The following ZNF226 variants were observed in gnomAD, a reference collection of about 807,000 sequenced individuals.
ZNF226 encodes zinc finger protein 226.
Under a neutral mutation model 11.4 loss-of-function variants are expected in ZNF226, and 6 were observed. That is an observed-to-expected ratio of 0.53 (90% CI 0.29 to 1.04). ZNF226 has a LOEUF of 1.04. ZNF226 is among the 50% of genes least tolerant of loss of function. The pLI, the probability that ZNF226 is intolerant of heterozygous loss-of-function variation, is 0.08. For missense variants in ZNF226, 1,058 were observed against 956.5 expected, an observed-to-expected ratio of 1.11 and a Z score of -1.40; for synonymous variants, 350 against 322.8, an observed-to-expected ratio of 1.08 and a Z score of -0.90.
At chr19:44,178,287 A>G (rs758227641), downstream of ZNF226, 6 of 152,422 alleles carry the variant, frequency 3.9e-5, no homozygotes, top group Non-Finnish European at 8.8e-5. Context: ...AGATTCAATT[A>G]TCTTTTGTAA....
At chr19:44,180,512 C>A (rs891528832), downstream of ZNF226, among the ~76,000 whole-genome samples, 10 of 152,040 alleles carry the variant, frequency 6.6e-5, no homozygotes, top group African/African-American at 2.4e-4. Flanking sequence ...TCAGGATAGC[C>A]CACCAACTCT....
chr19:44,186,143 T>C, the ZNF226 span, among the ~76,000 whole-genome samples: 1 of 152,096 alleles, frequency 6.6e-6, no homozygotes, highest in African/African-American at 2.4e-5. Flanking sequence ...TCATGTTAAT[T>C]ACTGCTGCTT....
At chr19:44,170,512 G>A (rs995921944) in intron 3 of ZNF226, among the ~76,000 whole-genome samples, 4 of 152,070 alleles carry the variant, frequency 2.6e-5, no homozygotes, top group Non-Finnish European at 5.9e-5. Flanking sequence ...TGAGGCGGGT[G>A]GATCACAAGG....
chr19:44,165,377 A>T (rs764867136), intron 1 of ZNF226: 1 of 152,030 alleles, frequency 6.6e-6, no homozygotes, highest in Non-Finnish European at 1.5e-5. Flanking sequence ...TCGCTCCCTC[A>T]TTGTGACTCC....
chr19:44,189,293 C>T, the ZNF226 span, among the ~76,000 whole-genome samples: 3 of 152,166 alleles, frequency 2.0e-5, no homozygotes, highest in African/African-American at 4.8e-5. Context: ...GGTTTCGAGC[C>T]ATGAACCTGG....
At chr19:44,186,313 T>G in the ZNF226 span, among the ~76,000 whole-genome samples, 1 of 152,104 alleles carries the variant, frequency 6.6e-6, no homozygotes, top group Admixed American at 6.5e-5. Flanking sequence ...TTTAACATTA[T>G]TAAGTCTTCA....
chr19:44,177,310 G>A lies in ZNF226; in HGVS notation c.2048G>A (p.Ser683Asn). The part of the protein sequence containing the change: ...CDECGKGFKW[S>N]LNLDMHQRVH... ...GAGTGTGGGAAGGGCTTCAAGTGGA[G>A]CTTGAACCTTGACATGCATCAGAGG... The change falls in exon 6 of 6, where the codon AGC becomes AAC. Residue 683 changes from serine (S) to asparagine (N), a missense_variant. Physicochemically the swap from Ser to Asn is conservative, Grantham distance 46. Transcript: ENST00000337433. 1 of 1,614,124 alleles carries A rather than the reference G, an allele frequency of 6.2e-7. No homozygotes were observed. Among genetic ancestry groups the A allele is most frequent in the South Asian group, 1.1e-5 (1 of 91,078 alleles).
intron 5 of ZNF226, chr19:44,174,842 C>A: frequency 1.3e-6 from 1 of 755,278 alleles, no homozygotes; most frequent in Non-Finnish European, 2.1e-6. Context: ...GTGCATAGGT[C>A]TTCATGCTTT....
Position 44,176,109 on chromosome 19 carries a change from G to C in ZNF226, c.847G>C (p.Val283Leu). The C allele has an allele frequency of 6.2e-7, 1 of 1,614,164 alleles. No individual in the cohort carries two copies. The highest frequency in any genetic ancestry group is 1.1e-5 in the South Asian group (1 of 91,084). ...LQSGEKSLTC[V>L]ERGKGFCYSP... is the part of the protein sequence containing the mutation. ...ATCAGGAGAGAAGTCTCTTACATGTGTTGAGCGTGGAAAAGGCTTCTGTTA... is the reference window on the plus strand; with the variant it reads ...ATCAGGAGAGAAGTCTCTTACATGTCTTGAGCGTGGAAAAGGCTTCTGTTA... Residue 283 changes from valine (V) to leucine (L), a missense_variant, in exon 6 of 6, where the codon GTT becomes CTT. By Grantham distance (32) the Val-to-Leu change is conservative. Transcript: ENST00000337433.
chr19:44,195,916 T>C, the ZNF226 span, among the ~76,000 whole-genome samples: 1 of 152,242 alleles, frequency 6.6e-6, no homozygotes, highest in Non-Finnish European at 1.5e-5. Context: ...CTGCATAATG[T>C]TCTAGCATCA....
intron 2 of ZNF226, among the ~76,000 whole-genome samples, chr19:44,167,304 ATTTC>A (rs1969502245): frequency 7.6e-6 from 1 of 132,064 alleles, no homozygotes; most frequent in Admixed American, 8.1e-5. Flanking sequence ...GACTTTCCTA[ATTTC>A]TTTAACTTTT....
At chr19:44,171,944 G>A in intron 3 of ZNF226, 144 bp from the exon 4 acceptor site, 2 of 1,057,848 alleles carry the variant, frequency 1.9e-6, no homozygotes, top group Non-Finnish European at 2.8e-6. Context: ...TGGTAAGTCA[G>A]TGTATGGCAT....
downstream of ZNF226, among the ~76,000 whole-genome samples, chr19:44,178,644 A>G (rs1178514709): frequency 1.3e-5 from 2 of 152,198 alleles, no homozygotes; most frequent in Non-Finnish European, 2.9e-5. Flanking sequence ...TAGTGGTGGC[A>G]GTGAAAAAAA....
At chr19:44,197,658 C>T in the ZNF226 span, among the ~76,000 whole-genome samples, 1 of 152,106 alleles carries the variant, frequency 6.6e-6, no homozygotes, top group African/African-American at 2.4e-5. Flanking sequence ...AAGCCTTGTA[C>T]ATTTGTATAT....
intron 2 of ZNF226, among the ~76,000 whole-genome samples, chr19:44,167,182 T>C (rs1010470129): frequency 6.6e-6 from 1 of 152,200 alleles, no homozygotes; most frequent in Non-Finnish European, 1.5e-5. Flanking sequence ...TCTTTTGTAC[T>C]GGAGGCCTTC....
the ZNF226 span, among the ~76,000 whole-genome samples, chr19:44,194,329 T>C: frequency 6.6e-6 from 1 of 152,144 alleles, no homozygotes; most frequent in African/African-American, 2.4e-5. Flanking sequence ...CAGGCTGGAG[T>C]GCAGTGGTAC....
chr19:44,168,248 T>C (rs202200738), intron 2 of ZNF226, among the ~76,000 whole-genome samples: 1 of 23,440 alleles, frequency 4.3e-5, no homozygotes, highest in Non-Finnish European at 7.3e-5. Flanking sequence ...TTTTGTTTTG[T>C]TTTTTTTTTT....
At chr19:44,184,643 G>A in the ZNF226 span, among the ~76,000 whole-genome samples, 2 of 151,786 alleles carry the variant, frequency 1.3e-5, no homozygotes, top group East Asian at 1.9e-4. Flanking sequence ...CTGTTCCAAA[G>A]TGAAGAGCAA....
At chr19:44,175,462 A>G (rs1568569868) in intron 5 of ZNF226, 36 bp from the exon 6 acceptor site, 3 of 1,531,554 alleles carry the variant, frequency 2.0e-6, no homozygotes, top group East Asian at 2.3e-5. Flanking sequence ...TTGAACAAAA[A>G]AATTCACTAT....
Sources: gnomAD v4.1 joint callset for allele counts (sites outside exome capture counted in the v4.1 genomes callset) on GRCh38, gnomAD v4.1.1 for gene constraint, MANE v1.5 for transcripts, NCBI Gene and HGNC (gene_info 2026-07-23, HGNC 2026-07-21) for gene names.